NRDE2: variants seen among roughly 807,000 people sequenced by gnomAD.
The protein encoded by NRDE2 is NRDE-2, necessary for RNA interference, domain containing.
A neutral mutation model predicts 124.2 loss-of-function variants in NRDE2; 76 were observed. That is an observed-to-expected ratio of 0.61 (90% CI 0.51 to 0.74). NRDE2 has a LOEUF of 0.74. Ranked by LOEUF, NRDE2 falls within the 30% of genes least tolerant of loss-of-function variation. The pLI is 0.00. For synonymous variants in NRDE2, 489 were observed against 528.1 expected (o/e 0.93, Z 1.01); for missense variants, 1,314 against 1,417.3 (o/e 0.93, Z 1.17).
At chr14:90,284,350 ATTTT>A (rs546656748) in intron 12 of NRDE2, among the ~76,000 whole-genome samples, 3 of 134,398 alleles carry the variant, frequency 2.2e-5, no homozygotes, top group Admixed American at 7.4e-5. Context: ...TTTTTTTTCT[ATTTT>A]TTTTTTTTTT....
intron 4 of NRDE2, among the ~76,000 whole-genome samples, chr14:90,307,400 G>A (rs1166738977): frequency 6.6e-6 from 1 of 152,080 alleles, no homozygotes; most frequent in Non-Finnish European, 1.5e-5. Context: ...TTCCCTAAAT[G>A]AAGGCACTTT....
chr14:90,304,453 T>C (rs1884529546), intron 4 of NRDE2, 71 bp from the exon 5 acceptor site: 2 of 1,165,338 alleles, frequency 1.7e-6, no homozygotes, highest in South Asian at 1.5e-5. Flanking sequence ...AAAGGCGCAT[T>C]AGACCTAAAC....
rs1472425943 is a variant in NRDE2 at position 90,268,274 on chromosome 14, T to C, written c.*10062A>G. On this transcript the variant is annotated 3_prime_UTR_variant, in exon 14 of 14. Coordinates refer to ENST00000354366, the MANE Select transcript of NRDE2 (RefSeq NM_017970.4). ...AGCAAACCAAACCTCAGCCACTTTC[T>C]TGAGAGTGGTTGGCTCTGAACTTAT... The C allele has an allele frequency of 2.5e-6, 4 of 1,609,740 alleles. No homozygotes were observed. Among genetic ancestry groups the C allele is most frequent in the Non-Finnish European group, 3.4e-6 (4 of 1,177,798 alleles).
At chr14:90,316,866 A>C (rs1376424810) in intron 2 of NRDE2, 55 bp from the exon 3 acceptor site, 1 of 1,133,580 alleles carries the variant, frequency 8.8e-7, no homozygotes, top group East Asian at 2.3e-5. Context: ...AGGAAAAATA[A>C]TACTATGTAA....
chr14:90,321,182 C>T (rs1355041516), intron 1 of NRDE2, among the ~76,000 whole-genome samples: 1 of 152,076 alleles, frequency 6.6e-6, no homozygotes, highest in Non-Finnish European at 1.5e-5. Context: ...GAAATACAGA[C>T]ATCACAACAT....
At chr14:90,281,935 T>A (rs1891965428) in intron 12 of NRDE2, among the ~76,000 whole-genome samples, 1 of 152,226 alleles carries the variant, frequency 6.6e-6, no homozygotes, top group South Asian at 2.1e-4. Flanking sequence ...AATGATGGCC[T>A]TTCAATATAT....
chr14:90,331,020 G>C (rs1237728998), intron 1 of NRDE2, among the ~76,000 whole-genome samples: 1 of 151,612 alleles, frequency 6.6e-6, no homozygotes, highest in African/African-American at 2.4e-5. Flanking sequence ...TCAAACTTCT[G>C]GGCTCAAGCA....
At chr14:90,279,329 G>A in intron 12 of NRDE2, 196 bp from the exon 13 acceptor site, 1 of 565,792 alleles carries the variant, frequency 1.8e-6, no homozygotes, top group East Asian at 3.0e-5. Context: ...GCTGTGTTGG[G>A]GTTGTTTCCT....
intron 1 of NRDE2, among the ~76,000 whole-genome samples, chr14:90,327,591 A>T (rs1391937870): frequency 6.6e-6 from 1 of 152,202 alleles, no homozygotes; most frequent in African/African-American, 2.4e-5. Context: ...AATGGATTGA[A>T]ATATAAACAT....
At chr14:90,323,374 T>A (rs1279183981) in intron 1 of NRDE2, among the ~76,000 whole-genome samples, 1 of 152,252 alleles carries the variant, frequency 6.6e-6, no homozygotes, top group African/African-American at 2.4e-5. Context: ...AATATATTTT[T>A]AACTATAATT....
At chr14:90,305,562 C>G (rs1250109455) in intron 4 of NRDE2, among the ~76,000 whole-genome samples, 1 of 152,188 alleles carries the variant, frequency 6.6e-6, no homozygotes, top group East Asian at 1.9e-4. Context: ...AACAGAGGTA[C>G]AGCCATACAA....
At chr14:90,283,147 T>C (rs1892002165) in intron 12 of NRDE2, among the ~76,000 whole-genome samples, 1 of 152,136 alleles carries the variant, frequency 6.6e-6, no homozygotes, top group Non-Finnish European at 1.5e-5. Context: ...CTGGCCCTAA[T>C]GTGATTTTTC....
chr14:90,301,441 A>T (rs1244328183), intron 6 of NRDE2, 69 bp from the exon 7 acceptor site: 1 of 1,484,606 alleles, frequency 6.7e-7, no homozygotes, highest in Non-Finnish European at 9.3e-7. Flanking sequence ...CTAACTTCTC[A>T]AAACAGGCAA....
At position 90,289,286 on chromosome 14, in the gene NRDE2, C is replaced by T. The variant is rs1291879680; in HGVS notation, c.2230-141G>A. Reference sequence around the variant, plus strand: ...CGGGTCTGGTAAACACTGAGGCTCTCTGAGCTGGAAAAGAAATAAGGATTT... The same window carrying T: ...CGGGTCTGGTAAACACTGAGGCTCTTTGAGCTGGAAAAGAAATAAGGATTT... On this transcript the variant is annotated intron_variant, in intron 10 of 13. Transcript: ENST00000354366. 10 of 659,466 alleles carry T rather than the reference C, an allele frequency of 1.5e-5. No homozygotes were observed. The South Asian group carries it at 1.9e-4, about 12-fold the overall frequency. 40.9% of individuals were successfully genotyped at this position (659,466 alleles called of 1,614,324 possible).
At chr14:90,291,592 T>C (rs1457731593) in intron 9 of NRDE2, among the ~76,000 whole-genome samples, 1 of 151,644 alleles carries the variant, frequency 6.6e-6, no homozygotes, top group Non-Finnish European at 1.5e-5. Flanking sequence ...TCTGCAGACA[T>C]TCAGCTTCAG....
chr14:90,272,139 C>T lies in NRDE2; in HGVS notation c.*6197G>A, dbSNP rs1359192938. 1.1e-6 allele frequency: 1 copy of T among 909,694 alleles called. No individual in the cohort carries two copies. Among genetic ancestry groups the T allele is most frequent in the Non-Finnish European group, 1.6e-6 (1 of 612,254 alleles). The allele number at this position is 909,694 out of a possible 1,614,324, so 56.4% of individuals were successfully genotyped here. On this transcript the variant is annotated 3_prime_UTR_variant, in exon 14 of 14. Coordinates refer to ENST00000354366, the MANE Select transcript of NRDE2 (RefSeq NM_017970.4). The surrounding 1 kb of genome is among the most constrained non-coding windows in gnomAD (Gnocchi z 4.5). ...GAACTCCTGACCTTAGGCGATCCAC[C>T]TGCCTCGGCCTCCCAGAGTGCTGGG...
chr14:90,323,040 G>A (rs1463483645), intron 1 of NRDE2, among the ~76,000 whole-genome samples: 1 of 152,208 alleles, frequency 6.6e-6, no homozygotes, highest in East Asian at 1.9e-4. Context: ...GAGTTGGAAT[G>A]TGCCTGGAAA....
chr14:90,302,915 T>C lies in NRDE2; in HGVS notation c.1216A>G (p.Lys406Glu), dbSNP rs748149619. 1 of 1,614,136 alleles carries C rather than the reference T, an allele frequency of 6.2e-7. No homozygotes were observed. Among genetic ancestry groups the C allele is most frequent in the South Asian group, 1.1e-5 (1 of 91,090 alleles). Residue 406 changes from lysine to glutamate, a missense_variant, in exon 6 of 14, where the codon AAA becomes GAA. By Grantham distance (56) the Lys-to-Glu change is moderately conservative (BLOSUM62 1). Coordinates refer to ENST00000354366, the MANE Select transcript of NRDE2 (RefSeq NM_017970.4). The stretch of plus-strand genomic sequence containing the variant: ...TTATTGGGATGCAAAAATATCAGTT[T>C]CTGCCACTCTTTGACCAGAGTGGAG... ...EPSTLVKEWQ[K>E]LIFLHPNNTA... is the part of the protein sequence containing the mutation.
chr14:90,272,663 C>A lies in NRDE2; in HGVS notation c.*5673G>T. 3.2e-6 allele frequency: 1 copy of A among 315,594 alleles called. No individual in the cohort carries two copies. Among genetic ancestry groups the A allele is most frequent in the Non-Finnish European group, 6.2e-6 (1 of 162,172 alleles). The allele number at this position is 315,594 out of a possible 1,614,324, so 19.5% of individuals were successfully genotyped here. ...GCAGTCTCCACACACACCTACCGCT[C>A]AACAGCAGCCTGTGGGTGGACCCAG... On this transcript the variant is annotated 3_prime_UTR_variant, in exon 14 of 14. Transcript: ENST00000354366. The surrounding 1 kb of genome is among the most constrained non-coding windows in gnomAD (Gnocchi z 4.5).
Sources: gnomAD v4.1 joint callset for allele counts (sites outside exome capture counted in the v4.1 genomes callset) on GRCh38, gnomAD v4.1.1 for gene constraint, Gnocchi (gnomAD v3.1) non-coding constraint, MANE v1.5 for transcripts, NCBI Gene and HGNC (gene_info 2026-07-23, HGNC 2026-07-21) for gene names.